Variants in FRMPD2 observed in about 807,000 individuals in gnomAD.
The protein encoded by FRMPD2 is FERM and PDZ domain containing 2, also known as FERM and PDZ domain-containing protein 2.
Under a neutral mutation model 140.1 loss-of-function variants are expected in FRMPD2, and 96 were observed. The ratio of observed to expected loss-of-function variants is 0.69; its 90% CI spans 0.58 to 0.81. The LOEUF (loss-of-function observed/expected upper bound fraction) is 0.81. Among genes scored for constraint, FRMPD2 ranks in the 40% least tolerant of loss-of-function variants. The probability of loss-of-function intolerance (pLI) is 0.00; values close to 1 mark genes in which losing one functional copy is unlikely to be tolerated. For synonymous variants in FRMPD2, 449 were observed against 547.6 expected, an observed-to-expected ratio of 0.82 and a Z score of 2.52; for missense variants, 1,240 against 1,447.4, an observed-to-expected ratio of 0.86 and a Z score of 2.32.
At chr10:48,264,095 G>A (rs1352711779) in intron 1 of FRMPD2, among the ~76,000 whole-genome samples, 16 of 151,622 alleles carry the variant, frequency 1.1e-4, no homozygotes, top group Non-Finnish European at 1.5e-5. Flanking sequence ...AGCAAATCAT[G>A]ATTAAAAACT....
Position 48,226,240 on chromosome 10 carries a change from C to T in FRMPD2, c.1169-2970G>A, listed in dbSNP as rs143216799. Among the ~76,000 whole-genome samples the T allele has an allele frequency of 2.2e-3, 333 of 152,290 alleles. 1 individual carries two copies. Among genetic ancestry groups the T allele is most frequent in the African/African-American group, 7.3e-3 (305 of 41,576 alleles). ...ATTGGCATCTTGAGGCTTCAAAACG[C>T]ATTCAGGACTCAAAAATGCCTTAAT... On this transcript the variant is annotated intron_variant, in intron 10 of 28. Coordinates refer to ENST00000374201, the MANE Select transcript of FRMPD2 (RefSeq NM_001018071.4).
At chr10:48,225,472 G>A (rs1043758021) in intron 10 of FRMPD2, among the ~76,000 whole-genome samples, 5 of 152,146 alleles carry the variant, frequency 3.3e-5, no homozygotes, top group African/African-American at 1.2e-4. Flanking sequence ...CTGATGAACT[G>A]ATGTCAACTC....
intron 1 of FRMPD2, among the ~76,000 whole-genome samples, chr10:48,271,676 G>T (rs904939239): frequency 6.6e-6 from 1 of 152,218 alleles, no homozygotes; most frequent in African/African-American, 2.4e-5. Context: ...AGCTGCCAGC[G>T]ACCAGTAAAA....
At chr10:48,179,916 T>C (rs1838500680) in intron 21 of FRMPD2, among the ~76,000 whole-genome samples, 1 of 152,190 alleles carries the variant, frequency 6.6e-6, no homozygotes, top group Non-Finnish European at 1.5e-5. Context: ...TTGCCAGCCT[T>C]TGGAGAAACC....
At chr10:48,194,586 C>T (rs997967391) in intron 15 of FRMPD2, among the ~76,000 whole-genome samples, 2 of 152,146 alleles carry the variant, frequency 1.3e-5, no homozygotes, top group African/African-American at 4.8e-5. Context: ...CAGGAAGGAG[C>T]CATCCCTTAG....
chr10:48,257,127 A>G (rs1304652376), intron 1 of FRMPD2, among the ~76,000 whole-genome samples: 3 of 146,534 alleles, frequency 2.0e-5, no homozygotes, highest in Non-Finnish European at 3.0e-5. Flanking sequence ...CATCACTCCA[A>G]TCTCTGCCTC....
chr10:48,218,698 G>A (rs1043945804), intron 12 of FRMPD2, among the ~76,000 whole-genome samples: 10 of 152,182 alleles, frequency 6.6e-5, no homozygotes, highest in African/African-American at 2.2e-4. Context: ...GCACAGGGCT[G>A]GAACCTGGAG....
Position 48,232,207 on chromosome 10 carries a change from TC to T in FRMPD2, c.1075del (p.Asp359MetfsTer13). ...LNGQHLEVKCDVESTVGAVFN... is the reference protein window; with the variant it reads ...LNGQHLEVKCXVESTVGAVFN... ...GACAGCTCCCACTGTTGATTCAACATCACATTTTACCTCCAGGTGCTGCCCG... is the reference window on the plus strand; with the variant it reads ...GACAGCTCCCACTGTTGATTCAACATACATTTTACCTCCAGGTGCTGCCCG... On this transcript the variant is annotated frameshift_variant, in exon 10 of 29. Transcript: ENST00000374201. LOFTEE classifies it high-confidence loss of function. 3.7e-6 allele frequency: 6 copies of T among 1,614,152 alleles called. No individual in the cohort carries two copies. Among genetic ancestry groups the T allele is most frequent in the Non-Finnish European group, 4.2e-6 (5 of 1,180,018 alleles).
chr10:48,211,356 C>CT (rs1839319427), intron 13 of FRMPD2, among the ~76,000 whole-genome samples: 1 of 152,246 alleles, frequency 6.6e-6, no homozygotes, highest in Non-Finnish European at 1.5e-5. Flanking sequence ...GGACTGCTGC[C>CT]TGCAGGGCTG....
chr10:48,172,414 G>C (rs1838282080), intron 25 of FRMPD2, among the ~76,000 whole-genome samples: 1 of 151,890 alleles, frequency 6.6e-6, no homozygotes, highest in Non-Finnish European at 1.5e-5. Flanking sequence ...GCGTGTTCCT[G>C]GCAAATACCA....
At chr10:48,181,885 C>CGT in intron 20 of FRMPD2, among the ~76,000 whole-genome samples, 1 of 6,240 alleles carries the variant, frequency 1.6e-4, no homozygotes, top group East Asian at 4.3e-3. Flanking sequence ...ATATGGCTCT[C>CGT]ATACACACAC....
In FRMPD2 at chr10:48,184,702, C is replaced by G; in HGVS notation, c.2468-20G>C. On this transcript the variant is annotated intron_variant, in intron 19 of 28. Transcript: ENST00000374201. ...GCCCTCCTAGAAAAATAAAACATCTCAATAATCCTTCAAGGAAATAAAAAA... is the reference window on the plus strand; with the variant it reads ...GCCCTCCTAGAAAAATAAAACATCTGAATAATCCTTCAAGGAAATAAAAAA... The G allele has an allele frequency of 1.3e-6, 2 of 1,595,462 alleles. No individual in the cohort carries two copies. Among genetic ancestry groups the G allele is most frequent in the African/African-American group, 2.7e-5 (2 of 74,486 alleles).
At chr10:48,244,441 G>A (rs1840198229) in intron 4 of FRMPD2, among the ~76,000 whole-genome samples, 1 of 152,218 alleles carries the variant, frequency 6.6e-6, no homozygotes, top group African/African-American at 2.4e-5. Context: ...GGGAAGGGTT[G>A]TTTTAAAGCC....
Position 48,232,294 on chromosome 10 carries a change from AAAC to A in FRMPD2, c.994-8_994-6del, listed in dbSNP as rs778623129. On this transcript the variant is annotated splice_polypyrimidine_tract_variant and splice_region_variant and intron_variant, in intron 9 of 28. Transcript: ENST00000374201. ...ATAGGATTTCCCTTTTTTGGTCTGA[AAAC>A]AACAACAGTATCAATTATACTACAA... 1.4e-5 allele frequency: 23 copies of A among 1,604,394 alleles called. No individual in the cohort carries two copies. The East Asian group carries it at 3.8e-4, about 26-fold the overall frequency.
chr10:48,207,308 C>T (rs1417130597), intron 13 of FRMPD2, among the ~76,000 whole-genome samples: 1 of 151,992 alleles, frequency 6.6e-6, no homozygotes, highest in Admixed American at 6.6e-5. Context: ...ATTTCTTTTC[C>T]TTGTTGTGTC....
intron 12 of FRMPD2, among the ~76,000 whole-genome samples, chr10:48,217,243 G>T (rs1336620890): frequency 6.6e-6 from 1 of 152,234 alleles, no homozygotes; most frequent in East Asian, 1.9e-4. Context: ...TGCGCTTCAA[G>T]TACTGCTTTG....
chr10:48,175,011 C>G (rs1409704360), intron 23 of FRMPD2, 56 bp from the exon 24 acceptor site: 6 of 703,304 alleles, frequency 8.5e-6, no homozygotes, highest in Non-Finnish European at 2.4e-6. Flanking sequence ...GCAGGAGGTT[C>G]CCTTCCAGGA....
intron 11 of FRMPD2, 96 bp downstream of exon 11, chr10:48,223,027 A>G (rs1251470732): frequency 4.6e-6 from 5 of 1,087,156 alleles, no homozygotes; most frequent in Non-Finnish European, 6.7e-6. Flanking sequence ...TATGTAATTT[A>G]CAGTTTGCAA....
At chr10:48,200,998 AT>A (rs1189728599) in intron 15 of FRMPD2, among the ~76,000 whole-genome samples, 1 of 152,168 alleles carries the variant, frequency 6.6e-6, no homozygotes, top group Non-Finnish European at 1.5e-5. Context: ...TATATTTCCA[AT>A]TGCACTCTGA....
Sources: gnomAD v4.1 joint callset for allele counts (sites outside exome capture counted in the v4.1 genomes callset) on GRCh38, gnomAD v4.1.1 for gene constraint, MANE v1.5 for transcripts, NCBI Gene and HGNC (gene_info 2026-07-23, HGNC 2026-07-21) for gene names.